PTPRR: variants seen among roughly 807,000 people sequenced by gnomAD.
PTPRR encodes protein tyrosine phosphatase receptor type R.
In PTPRR, 38 loss-of-function variants were observed where a neutral mutation model predicts 77.2. The observed-to-expected ratio is 0.49, with a 90% CI of 0.38 to 0.65. The LOEUF (loss-of-function observed/expected upper bound fraction) is 0.65. Ranked by LOEUF, PTPRR falls within the 30% of genes least tolerant of loss-of-function variation. The probability of loss-of-function intolerance (pLI) is 0.00; values close to 1 mark genes in which losing one functional copy is unlikely to be tolerated. For synonymous variants in PTPRR, 299 were observed against 283.1 expected (o/e 1.06, Z -0.57); for missense variants, 744 against 799.2 (o/e 0.93, Z 0.83).
intron 2 of PTPRR, among the ~76,000 whole-genome samples, chr12:70,856,699 A>C (rs772862508): frequency 9.9e-5 from 15 of 152,002 alleles, no homozygotes; most frequent in Non-Finnish European, 1.9e-4. Context: ...TTAGTCCTTA[A>C]TTATTGCAAT....
intron 12 of PTPRR, 74 bp downstream of exon 12, chr12:70,660,866 C>A: frequency 7.1e-7 from 1 of 1,416,852 alleles, no homozygotes; most frequent in South Asian, 1.6e-5. Flanking sequence ...GGAAGCAAAA[C>A]CCACTTGCAC....
At chr12:70,685,663 A>C (rs1253026596) in intron 8 of PTPRR, among the ~76,000 whole-genome samples, 2 of 145,650 alleles carry the variant, frequency 1.4e-5, no homozygotes, top group African/African-American at 5.6e-5. Context: ...AACAAAAACG[A>C]AACAAAACAA....
chr12:70,684,677 G>T, intron 9 of PTPRR, 27 bp downstream of exon 9: 1 of 1,454,338 alleles, frequency 6.9e-7, no homozygotes, highest in South Asian at 1.2e-5. Context: ...GAAGTCACCA[G>T]AAAGAAATTT....
intron 10 of PTPRR, among the ~76,000 whole-genome samples, chr12:70,665,797 A>G (rs763868531): frequency 6.6e-6 from 1 of 152,102 alleles, no homozygotes; most frequent in Non-Finnish European, 1.5e-5. Flanking sequence ...TGAAAAAAAA[A>G]AACCTATTTT....
At chr12:70,857,474 T>C (rs1892672893) in intron 2 of PTPRR, among the ~76,000 whole-genome samples, 1 of 152,198 alleles carries the variant, frequency 6.6e-6, no homozygotes, top group Admixed American at 6.5e-5. Context: ...GACTACTCTT[T>C]CAAGGTGCCT....
chr12:70,656,688 C>A lies in PTPRR; in HGVS notation c.1880+16G>T, dbSNP rs997902562. On this transcript the variant is annotated intron_variant, in intron 13 of 13. Transcript: ENST00000283228. Reference sequence around the variant, plus strand: ...ATGAAAACAGTGCTCTGAAGGCAAGCCTCTGTGACACTCACCTATCCATAC... The same window carrying A: ...ATGAAAACAGTGCTCTGAAGGCAAGACTCTGTGACACTCACCTATCCATAC... 6.4e-7 allele frequency: 1 copy of A among 1,568,092 alleles called. No homozygotes were observed. Among genetic ancestry groups the A allele is most frequent in the Non-Finnish European group, 8.8e-7 (1 of 1,138,472 alleles).
chr12:70,824,389 AT>A (rs975876149), intron 2 of PTPRR, among the ~76,000 whole-genome samples: 2 of 151,776 alleles, frequency 1.3e-5, no homozygotes, highest in Non-Finnish European at 2.9e-5. Flanking sequence ...CAATCCTTTA[AT>A]TTTTTTTTAA....
intron 2 of PTPRR, among the ~76,000 whole-genome samples, chr12:70,860,581 G>A (rs1200469454): frequency 1.3e-5 from 2 of 152,108 alleles, no homozygotes; most frequent in Non-Finnish European, 1.5e-5. Flanking sequence ...ACTTATGTAT[G>A]TTCACACTTA....
chr12:70,723,753 A>G (rs1190814591), intron 6 of PTPRR, among the ~76,000 whole-genome samples: 1 of 152,156 alleles, frequency 6.6e-6, no homozygotes, highest in Non-Finnish European at 1.5e-5. Context: ...CTGCTTTTGC[A>G]TTAGCATTAA....
chr12:70,709,555 C>T (rs1219974992), intron 6 of PTPRR, among the ~76,000 whole-genome samples: 3 of 152,068 alleles, frequency 2.0e-5, no homozygotes, highest in African/African-American at 7.2e-5. Flanking sequence ...ATCCTGTTTG[C>T]AGATGACATG....
At chr12:70,804,473 C>A (rs918131618) in intron 2 of PTPRR, among the ~76,000 whole-genome samples, 1 of 151,840 alleles carries the variant, frequency 6.6e-6, no homozygotes, top group Non-Finnish European at 1.5e-5. Context: ...GTGGGAGGAT[C>A]ACTTGAGCCT....
chr12:70,896,276 T>C (rs865856111), intron 1 of PTPRR, among the ~76,000 whole-genome samples: 2 of 151,776 alleles, frequency 1.3e-5, no homozygotes, highest in Middle Eastern at 6.8e-3. Context: ...AATTCACAAT[T>C]ATCATTGAAG....
intron 10 of PTPRR, among the ~76,000 whole-genome samples, chr12:70,682,034 C>CTTTTTTTT (rs578204454): frequency 1.6e-5 from 1 of 62,690 alleles, no homozygotes; most frequent in Non-Finnish European, 2.8e-5. Flanking sequence ...TTGTTGTTCA[C>CTTTTTTTT]TTTTTTTTTT....
chr12:70,700,480 A>T (rs766243396), intron 7 of PTPRR, among the ~76,000 whole-genome samples: 2 of 152,194 alleles, frequency 1.3e-5, no homozygotes, highest in Non-Finnish European at 2.9e-5. Context: ...AAAGGGCACC[A>T]TATGCACCCT....
At chr12:70,879,967 G>A (rs1173190893) in intron 2 of PTPRR, among the ~76,000 whole-genome samples, 5 of 152,100 alleles carry the variant, frequency 3.3e-5, no homozygotes, top group African/African-American at 7.2e-5. Flanking sequence ...TTTGTTAGAC[G>A]TAAACCACAA....
intron 2 of PTPRR, among the ~76,000 whole-genome samples, chr12:70,767,902 T>G (rs1016478433): frequency 1.4e-4 from 21 of 152,252 alleles, no homozygotes; most frequent in African/African-American, 4.6e-4. Flanking sequence ...AACAACCTGC[T>G]CCTGAATGAC....
At chr12:70,772,482 A>G (rs1041147754) in intron 2 of PTPRR, among the ~76,000 whole-genome samples, 2 of 152,198 alleles carry the variant, frequency 1.3e-5, no homozygotes, top group African/African-American at 4.8e-5. Flanking sequence ...ACCTGCAAGT[A>G]GGTAATAAAT....
At chr12:70,917,562 T>C (rs918172404) in intron 1 of PTPRR, among the ~76,000 whole-genome samples, 11 of 152,264 alleles carry the variant, frequency 7.2e-5, no homozygotes, top group South Asian at 6.2e-4. Context: ...AGTAATCCTT[T>C]AGTGTTAATT....
rs145043426 is a variant in PTPRR at position 70,686,644 on chromosome 12, T to C, written c.1280-1861A>G. ...AGTTGCTTGCTCTGGAGGAAGCTAA[T>C]GGCCATATTTTGAGGGCACTCAAGC... On this transcript the variant is annotated intron_variant, in intron 8 of 13. Coordinates refer to ENST00000283228, the MANE Select transcript of PTPRR (RefSeq NM_002849.4). Among the ~76,000 whole-genome samples the C allele has an allele frequency of 7.1e-3, 1,084 of 152,242 alleles. 43 individuals carry two copies. The highest frequency in any genetic ancestry group is 0.066 in the Admixed American group (1,009 of 15,280).
Sources: allele counts gnomAD v4.1 joint callset (sites outside exome capture counted in the v4.1 genomes callset), GRCh38; gene constraint gnomAD v4.1.1; transcripts MANE v1.5; gene names NCBI Gene and HGNC (gene_info 2026-07-23, HGNC 2026-07-21).